PDIA5: variants seen among roughly 807,000 people sequenced by gnomAD.
PDIA5 encodes protein disulfide-isomerase A5.
A neutral mutation model predicts 77.6 loss-of-function variants in PDIA5; 58 were observed. That is an observed-to-expected ratio of 0.75 (90% CI 0.61 to 0.93). The LOEUF is 0.93. Ranked by LOEUF, PDIA5 falls within the 40% of genes least tolerant of loss-of-function variation. The probability of loss-of-function intolerance (pLI) is 0.00; values close to 1 mark genes in which losing one functional copy is unlikely to be tolerated. For synonymous variants in PDIA5, 250 were observed against 252.1 expected (o/e 0.99, Z 0.08); for missense variants, 630 against 647.7 (o/e 0.97, Z 0.30).
chr3:123,112,534 CTTTTTTTTTTTTTTTT>C (rs55977938), intron 7 of PDIA5, among the ~76,000 whole-genome samples: 1 of 61,454 alleles, frequency 1.6e-5, no homozygotes, highest in African/African-American at 6.9e-5. Context: ...CAGCCCTATT[CTTTTTTTTTTTTTTTT>C]TTTTTTTTTT....
At chr3:123,077,962 A>T (rs1933899359) in intron 1 of PDIA5, among the ~76,000 whole-genome samples, 1 of 151,988 alleles carries the variant, frequency 6.6e-6, no homozygotes, top group Admixed American at 6.5e-5. Context: ...GGCACGTGCC[A>T]CCATGCCCAG....
intron 15 of PDIA5, among the ~76,000 whole-genome samples, chr3:123,159,454 A>T (rs555135152): frequency 4.6e-5 from 7 of 152,322 alleles, no homozygotes; most frequent in African/African-American, 1.7e-4. Flanking sequence ...TGGGGAAGGT[A>T]TGTTTAGCCT....
intron 10 of PDIA5, among the ~76,000 whole-genome samples, chr3:123,126,227 C>G (rs983910634): frequency 5.9e-5 from 9 of 152,138 alleles, no homozygotes; most frequent in African/African-American, 1.9e-4. Context: ...CCCCTCTCCT[C>G]TCGGCACACC....
intron 6 of PDIA5, among the ~76,000 whole-genome samples, chr3:123,109,298 A>G (rs559757629): frequency 1.3e-5 from 2 of 152,352 alleles, no homozygotes; most frequent in East Asian, 3.9e-4. Context: ...TTGTGAAGGT[A>G]ATTAAGCATC....
At chr3:123,091,795 A>G (rs948273295) in intron 2 of PDIA5, among the ~76,000 whole-genome samples, 1 of 152,120 alleles carries the variant, frequency 6.6e-6, no homozygotes, top group Non-Finnish European at 1.5e-5. Flanking sequence ...GGCCCATCAG[A>G]GCCTAGTGTC....
chr3:123,134,012 T>C (rs934736562), intron 11 of PDIA5, among the ~76,000 whole-genome samples: 3 of 151,926 alleles, frequency 2.0e-5, no homozygotes, highest in Non-Finnish European at 4.4e-5. Flanking sequence ...TCCTTTTCTT[T>C]TCTTTTCCTT....
At chr3:123,083,307 C>A (rs939035570) in intron 1 of PDIA5, among the ~76,000 whole-genome samples, 10 of 152,134 alleles carry the variant, frequency 6.6e-5, no homozygotes, top group Non-Finnish European at 1.2e-4. Context: ...TGATAATAGG[C>A]AGGACCTGGC....
Position 123,115,106 on chromosome 3 carries a change from C to T in PDIA5, c.542-1125C>T, listed in dbSNP as rs943249152. 7.9e-5 allele frequency among the ~76,000 whole-genome samples: 12 copies of T among 152,162 alleles called. 2 individuals are homozygous for T. Among genetic ancestry groups the T allele is most frequent in the Non-Finnish European group, 1.5e-4 (10 of 68,032 alleles). ...CTGGGCTGCCTGTCGCCACATGGAC[C>T]CTGTGCCCGCTGTGCCAAGCTGAGA... On this transcript the variant is annotated intron_variant, in intron 7 of 16. Coordinates refer to ENST00000316218, the MANE Select transcript of PDIA5 (RefSeq NM_006810.4).
At chr3:123,131,952 T>G (rs1359806411) in intron 11 of PDIA5, among the ~76,000 whole-genome samples, 1 of 152,088 alleles carries the variant, frequency 6.6e-6, no homozygotes, top group East Asian at 1.9e-4. Context: ...GAGGTCACAG[T>G]GCATGAGGAT....
intron 11 of PDIA5, among the ~76,000 whole-genome samples, chr3:123,140,201 T>A (rs1056619828): frequency 1.3e-5 from 2 of 151,690 alleles, no homozygotes; most frequent in Non-Finnish European, 2.9e-5. Context: ...GAACTTGGTG[T>A]GTTGGGAGAA....
intron 1 of PDIA5, among the ~76,000 whole-genome samples, chr3:123,070,382 T>TA (rs1560488309): frequency 1.3e-5 from 2 of 152,220 alleles, no homozygotes; most frequent in East Asian, 3.8e-4. Flanking sequence ...CTTCTTTGCT[T>TA]ATGCTTTTCT....
intron 8 of PDIA5, among the ~76,000 whole-genome samples, chr3:123,118,140 G>A (rs1261359251): frequency 1.3e-5 from 2 of 152,234 alleles, no homozygotes; most frequent in African/African-American, 4.8e-5. Context: ...GCTGCAGAGA[G>A]CCAATGCTTT....
At position 123,088,029 on chromosome 3, in the gene PDIA5, A is replaced by C. The variant is rs139700639; in HGVS notation, c.43-1139A>C. Among the ~76,000 whole-genome samples the C allele has an allele frequency of 7.3e-3, 1,115 of 152,308 alleles. 9 individuals carry two copies. Among genetic ancestry groups the C allele is most frequent in the Non-Finnish European group, 0.013 (854 of 68,022 alleles). Reference sequence around the variant, plus strand: ...GAGCTTGGAGGAATGAGTGATCTCAAGGTTCAGTTTGTAGACTTTCTTTGA... The same window carrying C: ...GAGCTTGGAGGAATGAGTGATCTCACGGTTCAGTTTGTAGACTTTCTTTGA... On this transcript the variant is annotated intron_variant, in intron 1 of 16. Transcript: ENST00000316218.
chr3:123,114,917 G>A (rs370913721), intron 7 of PDIA5, among the ~76,000 whole-genome samples: 3 of 152,216 alleles, frequency 2.0e-5, no homozygotes, highest in African/African-American at 7.2e-5. Context: ...AGACAGGAAT[G>A]TCAGGAGGGG....
rs143145744 is a variant in PDIA5, at chr3:123,124,147, T to A, written c.691T>A (p.Cys231Ser). 353 of 1,613,228 alleles carry A rather than the reference T, an allele frequency of 2.2e-4. 1 individual carries two copies. The highest frequency in any genetic ancestry group is 2.7e-4 in the Non-Finnish European group (319 of 1,179,136). The change falls in exon 9 of 17, where the codon TGC becomes AGC. Residue 231 changes from cysteine (C) to serine (S), a missense_variant. Transcript: ENST00000316218. ...CAGCGTGCGCGGCTTCCCCACCATC[T>A]GCTATTTTGAGTACGTCCCCCACTT... ...EYSVRGFPTI[C>S]YFEKGRFLFQ...
chr3:123,102,697 A>G, intron 4 of PDIA5, 54 bp from the exon 5 acceptor site: 1 of 1,384,214 alleles, frequency 7.2e-7, no homozygotes, highest in Non-Finnish European at 1.0e-6. Context: ...AACCAAAGGT[A>G]TGTATCTTCA....
intron 3 of PDIA5, 74 bp downstream of exon 3, chr3:123,092,516 G>T: frequency 3.8e-6 from 4 of 1,043,024 alleles, no homozygotes; most frequent in Admixed American, 1.7e-5. Context: ...GTGGGGACAG[G>T]AACTGTCTCT....
chr3:123,069,616 A>G (rs1045009079), intron 1 of PDIA5, among the ~76,000 whole-genome samples: 23 of 152,138 alleles, frequency 1.5e-4, no homozygotes, highest in Admixed American at 3.9e-4. Context: ...TTCTCACTGT[A>G]TTCTCATATG....
At chr3:123,118,396 C>G (rs1157708028) in intron 8 of PDIA5, among the ~76,000 whole-genome samples, 1 of 152,200 alleles carries the variant, frequency 6.6e-6, no homozygotes, top group Admixed American at 6.5e-5. Context: ...CTGCTCAGCT[C>G]AACTTCCCGA....
Sources: gnomAD v4.1 joint callset for allele counts (sites outside exome capture counted in the v4.1 genomes callset) on GRCh38, gnomAD v4.1.1 for gene constraint, MANE v1.5 for transcripts, NCBI Gene and HGNC (gene_info 2026-07-23, HGNC 2026-07-21) for gene names.